AHCY: variants seen among roughly 807,000 people sequenced by gnomAD.
AHCY encodes adenosylhomocysteinase, also known as S-adenosyl-L-homocysteine hydrolase.
In AHCY, 24 loss-of-function variants were observed where a neutral mutation model predicts 45.4. The ratio of observed to expected loss-of-function variants is 0.53; its 90% CI spans 0.38 to 0.74. The LOEUF is 0.74. Among genes scored for constraint, AHCY ranks in the 30% least tolerant of loss-of-function variants. The pLI is 0.00. For missense variants in AHCY, 449 were observed against 594.1 expected, an observed-to-expected ratio of 0.76 and a Z score of 2.54; for synonymous variants, 245 against 235.1, an observed-to-expected ratio of 1.04 and a Z score of -0.39.
the AHCY span, among the ~76,000 whole-genome samples, chr20:34,266,007 T>C: frequency 6.6e-6 from 1 of 151,782 alleles, no homozygotes; most frequent in African/African-American, 2.4e-5. Flanking sequence ...TCTGGGTGAA[T>C]GGATGGTATT....
rs368136239 is a variant in AHCY, at chr20:34,290,849, C to T, written c.648G>A (p.Ala216=). 26 of 1,614,058 alleles carry T rather than the reference C, an allele frequency of 1.6e-5. No individual in the cohort carries two copies. The highest frequency in any genetic ancestry group is 4.5e-5 in the East Asian group (2 of 44,882). Residue 216 remains alanine, a synonymous_variant, in exon 6 of 10, where the codon GCG becomes GCA. Coordinates refer to ENST00000217426, the MANE Select transcript of AHCY (RefSeq NM_000687.4). The surrounding 1 kb of genome is among the most constrained non-coding windows in gnomAD (Gnocchi z 4.5). The part of the protein sequence containing the change: ...ATDVMIAGKV[A]VVAGYGDVGK... Reference sequence around the variant, plus strand: ...CCACATCACCATAGCCTGCTACCACCGCTACCTTGCCGGCAATCATCACAT... The same window carrying T: ...CCACATCACCATAGCCTGCTACCACTGCTACCTTGCCGGCAATCATCACAT...
At chr20:34,233,591 T>C in the AHCY span, among the ~76,000 whole-genome samples, 2 of 152,318 alleles carry the variant, frequency 1.3e-5, no homozygotes, top group African/African-American at 2.4e-5. Flanking sequence ...TACATCTCAA[T>C]TAAGCTGTTT....
chr20:34,235,999 GGAGAAAGA>G, the AHCY span, among the ~76,000 whole-genome samples: 1 of 121,352 alleles, frequency 8.2e-6, no homozygotes, highest in Non-Finnish European at 1.6e-5. Flanking sequence ...AAGGAAGGAA[GGAGAAAGA>G]GAGAAAGAGA....
the AHCY span, among the ~76,000 whole-genome samples, chr20:34,247,575 G>A: frequency 4.6e-5 from 7 of 151,872 alleles, no homozygotes; most frequent in African/African-American, 1.2e-4. Context: ...AGGACTACAG[G>A]CATGAGTCAC....
At chr20:34,293,884 T>C in intron 3 of AHCY, 197 bp downstream of exon 3, 1 of 663,236 alleles carries the variant, frequency 1.5e-6, no homozygotes, top group Non-Finnish European at 2.7e-6. Context: ...CCTGGGTCAA[T>C]AAACAACTTC....
upstream of AHCY, chr20:34,303,493 G>A: frequency 4.2e-6 from 3 of 709,866 alleles, no homozygotes; most frequent in Non-Finnish European, 4.8e-6. Context: ...ATTTCACAAG[G>A]CGTGGCCCCA....
intron 1 of AHCY, among the ~76,000 whole-genome samples, chr20:34,298,603 G>A (rs531801303): frequency 1.3e-4 from 17 of 133,566 alleles, no homozygotes; most frequent in East Asian, 6.2e-4. Flanking sequence ...AAGTGGCGGC[G>A]GCGGGAGGGG....
rs1371064071 is a variant in AHCY, at chr20:34,280,451, CTCTGT to C, written c.*578_*582del. 1 of 156,414 alleles carries C rather than the reference CTCTGT, an allele frequency of 6.4e-6. No homozygotes were observed. The highest frequency in any genetic ancestry group is 2.4e-5 in the African/African-American group (1 of 41,434). The allele number at this position is 156,414 out of a possible 1,614,324, so 9.7% of individuals were successfully genotyped here. A position where few individuals can be genotyped will look rare whatever the true frequency, so the allele number is the denominator to read the frequency against. On this transcript the variant is annotated 3_prime_UTR_variant, in exon 10 of 10. Transcript: ENST00000217426. ...CCCTCTCAACCCCTAGCTGTCACTT[CTCTGT>C]TCTTTCTCAGTTGCCCCTTAACAGT...
At chr20:34,297,925 G>A (rs1601677224) in intron 1 of AHCY, among the ~76,000 whole-genome samples, 1 of 152,262 alleles carries the variant, frequency 6.6e-6, no homozygotes, top group East Asian at 1.9e-4. Context: ...GATCACTTGA[G>A]GTCAGGAGTT....
At chr20:34,291,078 C>G (rs2036370890) in intron 5 of AHCY, 140 bp from the exon 6 acceptor site, 1 of 764,510 alleles carries the variant, frequency 1.3e-6, no homozygotes, top group East Asian at 2.7e-5. Flanking sequence ...CCTCCAGCAC[C>G]CAATGCCCCC....
chr20:34,302,685 C>T, intron 1 of AHCY: 1 of 987,082 alleles, frequency 1.0e-6, no homozygotes, highest in Non-Finnish European at 1.2e-6. Flanking sequence ...TGCAAGGCTG[C>T]CCCTGCTGGA....
At chr20:34,271,300 C>T in the AHCY span, among the ~76,000 whole-genome samples, 2 of 152,166 alleles carry the variant, frequency 1.3e-5, no homozygotes, top group African/African-American at 2.4e-5. Context: ...TGGTCCTGGG[C>T]CTCTCAAAAC....
At chr20:34,259,698 C>T in the AHCY span, among the ~76,000 whole-genome samples, 6 of 151,434 alleles carry the variant, frequency 4.0e-5, no homozygotes, top group African/African-American at 4.9e-5. Flanking sequence ...TGCAGTGAGC[C>T]GAGATTATGC....
chr20:34,300,618 C>T (rs891824233), intron 1 of AHCY, among the ~76,000 whole-genome samples: 4 of 152,214 alleles, frequency 2.6e-5, no homozygotes, highest in Non-Finnish European at 4.4e-5. Context: ...CAGGAAAGAA[C>T]CTAGTATATC....
At chr20:34,233,876 G>T in the AHCY span, among the ~76,000 whole-genome samples, 1 of 152,216 alleles carries the variant, frequency 6.6e-6, no homozygotes, top group African/African-American at 2.4e-5. Flanking sequence ...CTTGGAAGAG[G>T]TCAAAGGTCT....
chr20:34,245,285 G>C, the AHCY span, among the ~76,000 whole-genome samples: 7 of 141,008 alleles, frequency 5.0e-5, no homozygotes, highest in African/African-American at 1.9e-4. Context: ...AGTGAGCTGA[G>C]ATCATGCCAT....
chr20:34,305,159 C>CAA (rs528737503), upstream of AHCY, among the ~76,000 whole-genome samples: 5 of 109,372 alleles, frequency 4.6e-5, no homozygotes, highest in Admixed American at 9.8e-5. Context: ...ACTAAAAATA[C>CAA]AAAAAAAAAA....
At chr20:34,271,212 G>A in the AHCY span, among the ~76,000 whole-genome samples, 1 of 152,156 alleles carries the variant, frequency 6.6e-6, no homozygotes, top group African/African-American at 2.4e-5. Flanking sequence ...AAAGTGCTGG[G>A]ATTACAGGTA....
chr20:34,255,835 G>A, the AHCY span, among the ~76,000 whole-genome samples: 2 of 152,310 alleles, frequency 1.3e-5, no homozygotes, highest in East Asian at 3.9e-4. Context: ...CCTTGGTCTA[G>A]TGGTAGCATC....
Sources: gnomAD v4.1 joint callset for allele counts (sites outside exome capture counted in the v4.1 genomes callset) on GRCh38, gnomAD v4.1.1 for gene constraint, Gnocchi (gnomAD v3.1) non-coding constraint, MANE v1.5 for transcripts, NCBI Gene and HGNC (gene_info 2026-07-23, HGNC 2026-07-21) for gene names.